Variants in KYAT1 observed in about 807,000 individuals in gnomAD.
KYAT1 encodes the protein kynurenine--oxoglutarate transaminase 1.
A neutral mutation model predicts 52.4 loss-of-function variants in KYAT1; 47 were observed. That is an observed-to-expected ratio of 0.90 (90% confidence interval 0.71 to 1.14). The LOEUF is 1.14. Among genes scored for constraint, KYAT1 ranks in the 50% most tolerant of loss-of-function variants. KYAT1 has a pLI of 0.00. For missense variants in KYAT1, 480 were observed against 557.9 expected (o/e 0.86, Z 1.41); for synonymous variants, 212 against 209.6 (o/e 1.01, Z -0.10).
chr9:128,851,650 C>A (rs973838204), intron 1 of KYAT1, among the ~76,000 whole-genome samples: 1 of 152,134 alleles, frequency 6.6e-6, no homozygotes. Flanking sequence ...ACTTTAGAAC[C>A]ATTTCAAATA....
chr9:128,873,294 G>A (rs1427378504), intron 1 of KYAT1, among the ~76,000 whole-genome samples: 1 of 150,598 alleles, frequency 6.6e-6, no homozygotes, highest in African/African-American at 2.4e-5. Flanking sequence ...ACTGGAGCCC[G>A]GGAATTGGAG....
At chr9:128,853,209 G>A (rs1834166830) in intron 1 of KYAT1, among the ~76,000 whole-genome samples, 3 of 152,174 alleles carry the variant, frequency 2.0e-5, no homozygotes, top group Admixed American at 2.0e-4. Flanking sequence ...GATTGGTCTT[G>A]CTGATTTTGT....
intron 1 of KYAT1, among the ~76,000 whole-genome samples, chr9:128,855,746 C>A (rs1015347564): frequency 6.6e-6 from 1 of 152,210 alleles, no homozygotes; most frequent in Non-Finnish European, 1.5e-5. Flanking sequence ...CCCATCCATC[C>A]ATATTTTAAC....
chr9:128,840,824 G>A, intron 3 of KYAT1, among the ~76,000 whole-genome samples: 2 of 152,228 alleles, frequency 1.3e-5, no homozygotes, highest in Admixed American at 1.3e-4. Flanking sequence ...CCAAGTAGCT[G>A]GGATTATAGG....
intron 1 of KYAT1, among the ~76,000 whole-genome samples, chr9:128,871,740 T>C (rs1837253383): frequency 6.6e-6 from 1 of 152,012 alleles, no homozygotes; most frequent in African/African-American, 2.4e-5. Context: ...ATTGTGGAGA[T>C]ACATATGTGA....
At chr9:128,859,151 A>G (rs1343747140) in intron 1 of KYAT1, among the ~76,000 whole-genome samples, 2 of 152,072 alleles carry the variant, frequency 1.3e-5, no homozygotes, top group Non-Finnish European at 2.9e-5. Flanking sequence ...TCACGAGGTC[A>G]GGAGATCGAG....
At chr9:128,873,498 G>A (rs951994266) in intron 1 of KYAT1, among the ~76,000 whole-genome samples, 2 of 151,992 alleles carry the variant, frequency 1.3e-5, no homozygotes, top group African/African-American at 2.4e-5. Flanking sequence ...GGCCAGGCGC[G>A]ATGGCTCACT....
chr9:128,842,133 C>T (rs1384529576), intron 3 of KYAT1: 3 of 356,054 alleles, frequency 8.4e-6, no homozygotes, highest in Non-Finnish European at 1.7e-5. Context: ...GTCAAGGCTG[C>T]AGTGGACCAT....
At position 128,846,633 on chromosome 9, in the gene KYAT1, AG is replaced by A; in HGVS notation, c.-6-1223del. ...AAAAAAAAAAAAAAAAAAGAAAGAA[AG>A]AAATTGGCCAGACCTGAGAGCCACC... is the stretch of plus-strand genomic sequence containing the variant. On this transcript the variant is annotated intron_variant, in intron 1 of 12. Transcript: ENST00000302586. 13 of 1,178,922 alleles carry A rather than the reference AG, an allele frequency of 1.1e-5. No homozygotes were observed. The Middle Eastern group carries it at 6.1e-4, about 56-fold the overall frequency. 73.0% of individuals were successfully genotyped at this position (1,178,922 alleles called of 1,614,324 possible). A position where few individuals can be genotyped will look rare whatever the true frequency, so the allele number is the denominator to read the frequency against.
intron 1 of KYAT1, chr9:128,846,662 A>T: frequency 6.8e-7 from 1 of 1,479,776 alleles, no homozygotes; most frequent in Non-Finnish European, 9.0e-7. Flanking sequence ...GAGCCACCAA[A>T]CTCAGGTCCT....
At chr9:128,852,897 G>GA (rs543199012) in intron 1 of KYAT1, among the ~76,000 whole-genome samples, 13 of 152,180 alleles carry the variant, frequency 8.5e-5, no homozygotes, top group Non-Finnish European at 1.9e-4. Flanking sequence ...ATTAGTTGAA[G>GA]AAAAAATTCG....
intron 1 of KYAT1, among the ~76,000 whole-genome samples, chr9:128,857,132 C>T (rs373019943): frequency 4.9e-4 from 74 of 152,328 alleles, no homozygotes; most frequent in African/African-American, 7.0e-4. Flanking sequence ...TAAATCCGGC[C>T]TACGTGCACA....
At chr9:128,840,826 G>A (rs1832026644) in intron 3 of KYAT1, among the ~76,000 whole-genome samples, 1 of 152,136 alleles carries the variant, frequency 6.6e-6, no homozygotes, top group South Asian at 2.1e-4. Flanking sequence ...AAGTAGCTGG[G>A]ATTATAGGCA....
At chr9:128,864,178 C>T (rs143679914) in intron 1 of KYAT1, among the ~76,000 whole-genome samples, 3,018 of 151,806 alleles carry the variant, frequency 0.02, 37 homozygotes, top group Non-Finnish European at 0.031. Context: ...CTGGCTAACA[C>T]AGTGAAACCC....
Position 128,848,313 on chromosome 9 carries a change from T to C in KYAT1, c.-6-2902A>G, listed in dbSNP as rs1833419778. Among the ~76,000 whole-genome samples, 3 of 84,972 alleles carry C rather than the reference T, an allele frequency of 3.5e-5. No homozygotes were observed. The Admixed American group carries it at 5.7e-4, about 16-fold the overall frequency. 55.7% of individuals were successfully genotyped at this position (84,972 alleles called of 152,430 possible). A position where few individuals can be genotyped will look rare whatever the true frequency, so the allele number is the denominator to read the frequency against. On this transcript the variant is annotated intron_variant, in intron 1 of 12. Transcript: ENST00000302586. ...CCAGCCTGGGCGACAGAGGGAGATA[T>C]GTCTCAAAAAAAAAAAAAAAAAAAA...
intron 1 of KYAT1, among the ~76,000 whole-genome samples, chr9:128,878,547 CAG>C (rs1326765042): frequency 6.6e-6 from 1 of 151,974 alleles, no homozygotes; most frequent in East Asian, 1.9e-4. Flanking sequence ...AGAAAAAAAA[CAG>C]AATTCCCTGA....
intron 2 of KYAT1, among the ~76,000 whole-genome samples, chr9:128,843,211 C>G (rs1216367307): frequency 6.6e-6 from 1 of 152,130 alleles, no homozygotes; most frequent in South Asian, 2.1e-4. Flanking sequence ...CATACACACA[C>G]AAGAAAAACA....
At chr9:128,860,720 G>A (rs1220478661) in intron 1 of KYAT1, among the ~76,000 whole-genome samples, 2 of 151,992 alleles carry the variant, frequency 1.3e-5, no homozygotes, top group African/African-American at 2.4e-5. Context: ...ATTCCACCAT[G>A]CCTGGCTAAT....
intron 1 of KYAT1, among the ~76,000 whole-genome samples, chr9:128,850,663 T>C (rs991758484): frequency 2.0e-5 from 3 of 152,152 alleles, no homozygotes; most frequent in Non-Finnish European, 4.4e-5. Flanking sequence ...GCCCAACACC[T>C]GTAAAGGGTC....
Sources: allele counts gnomAD v4.1 joint callset (sites outside exome capture counted in the v4.1 genomes callset), GRCh38; gene constraint gnomAD v4.1.1; transcripts MANE v1.5; gene names NCBI Gene and HGNC (gene_info 2026-07-23, HGNC 2026-07-21).